Variants in PLEKHH2 observed in about 807,000 individuals in gnomAD.
PLEKHH2 encodes pleckstrin homology, MyTH4 and FERM domain containing H2, also known as pleckstrin homology domain-containing family H member 2.
Under a neutral mutation model 187.9 loss-of-function variants are expected in PLEKHH2, and 129 were observed. The ratio of observed to expected loss-of-function variants is 0.69; its 90% CI spans 0.59 to 0.79. The LOEUF (loss-of-function observed/expected upper bound fraction) is 0.79, where lower values mean the gene tolerates loss of function less well. Ranked by LOEUF, PLEKHH2 falls within the 30% of genes least tolerant of loss-of-function variation. PLEKHH2 has a pLI of 0.00. For synonymous variants in PLEKHH2, 686 were observed against 605.6 expected (o/e 1.13, Z -1.95); for missense variants, 2,076 against 1,751.2 (o/e 1.19, Z -3.31).
intron 2 of PLEKHH2, among the ~76,000 whole-genome samples, chr2:43,653,863 C>A (rs937603985): frequency 3.3e-5 from 5 of 152,164 alleles, no homozygotes; most frequent in African/African-American, 9.7e-5. Context: ...GTAAACAGTT[C>A]TTTTACATGG....
chr2:43,643,935 C>A (rs560119929), intron 1 of PLEKHH2, among the ~76,000 whole-genome samples: 1 of 152,210 alleles, frequency 6.6e-6, no homozygotes, highest in South Asian at 2.1e-4. Context: ...AATATCCTCC[C>A]AAAGGAAAGT....
intron 19 of PLEKHH2, among the ~76,000 whole-genome samples, chr2:43,737,469 A>G (rs1358666990): frequency 1.3e-5 from 2 of 152,226 alleles, no homozygotes; most frequent in African/African-American, 4.8e-5. Context: ...GCTATTTCAC[A>G]CAGTTTTGAA....
intron 24 of PLEKHH2, among the ~76,000 whole-genome samples, chr2:43,753,391 C>CAGCG (rs1288990548): frequency 6.6e-6 from 1 of 152,090 alleles, no homozygotes; most frequent in Non-Finnish European, 1.5e-5. Context: ...TAATGTGATT[C>CAGCG]AGCGCCACCT....
At chr2:43,754,046 T>A (rs1326495256) in intron 25 of PLEKHH2, among the ~76,000 whole-genome samples, 1 of 149,748 alleles carries the variant, frequency 6.7e-6, no homozygotes, top group African/African-American at 2.5e-5. Context: ...TGTAGAGCTG[T>A]GGGCTTGAAG....
chr2:43,637,593 A>T (rs1000910082), intron 1 of PLEKHH2, among the ~76,000 whole-genome samples: 2 of 152,138 alleles, frequency 1.3e-5, no homozygotes, highest in Non-Finnish European at 2.9e-5. Context: ...CCAAGTCTGG[A>T]TGTCGCCGGG....
At chr2:43,718,731 G>T (rs1287141369) in intron 15 of PLEKHH2, among the ~76,000 whole-genome samples, 1 of 152,016 alleles carries the variant, frequency 6.6e-6, no homozygotes, top group Non-Finnish European at 1.5e-5. Context: ...GTTTTTATGA[G>T]ACTTCTTTCT....
At chr2:43,685,422 C>CT (rs1169835122) in intron 3 of PLEKHH2, among the ~76,000 whole-genome samples, 5 of 151,850 alleles carry the variant, frequency 3.3e-5, no homozygotes, top group Non-Finnish European at 7.4e-5. Flanking sequence ...TCTAGTACAT[C>CT]TTTTTTTTGT....
At chr2:43,745,458 G>T (rs1193137674) in intron 23 of PLEKHH2, among the ~76,000 whole-genome samples, 1 of 152,168 alleles carries the variant, frequency 6.6e-6, no homozygotes, top group East Asian at 1.9e-4. Context: ...CCTGGGTCTA[G>T]ACTCTTTCCA....
chr2:43,675,188 C>A, intron 2 of PLEKHH2: 2 of 437,230 alleles, frequency 4.6e-6, no homozygotes, highest in Admixed American at 3.8e-5. Context: ...TGCAAAATAT[C>A]CAAAACATTA....
At chr2:43,704,618 G>A (rs894734006) in intron 9 of PLEKHH2, among the ~76,000 whole-genome samples, 10 of 131,912 alleles carry the variant, frequency 7.6e-5, no homozygotes, top group Admixed American at 5.2e-4. Context: ...AGCTGAGATT[G>A]TGCCACTGCA....
chr2:43,751,926 C>CTT (rs1191371733), intron 24 of PLEKHH2, among the ~76,000 whole-genome samples: 26 of 139,866 alleles, frequency 1.9e-4, no homozygotes, highest in Admixed American at 6.5e-4. Flanking sequence ...CTCTCTCTCT[C>CTT]TTTTTTTTTT....
At chr2:43,644,541 T>C (rs1666096744) in intron 1 of PLEKHH2, 130 bp from the exon 2 acceptor site, 15 of 640,496 alleles carry the variant, frequency 2.3e-5, no homozygotes, top group Non-Finnish European at 3.0e-5. Flanking sequence ...AATTTGTACA[T>C]GGATCTCACT....
intron 1 of PLEKHH2, among the ~76,000 whole-genome samples, chr2:43,640,865 G>A (rs1665875148): frequency 6.6e-6 from 1 of 151,616 alleles, no homozygotes; most frequent in South Asian, 2.1e-4. Context: ...GTTCACTGCA[G>A]CTTCGACCTC....
At position 43,753,605 on chromosome 2, in the gene PLEKHH2, C is replaced by CT. The variant is rs201067670; in HGVS notation, c.3654-5dup. On this transcript the variant is annotated splice_polypyrimidine_tract_variant and intron_variant, in intron 24 of 29. Coordinates refer to ENST00000282406, the MANE Select transcript of PLEKHH2 (RefSeq NM_172069.4). ...AATATAATTTAATGAGAAATTTACT[C>CT]TTTTTTTTTACAGACTATATTTCTC... is the stretch of plus-strand genomic sequence containing the variant. 12,091 of 1,312,128 alleles carry CT rather than the reference C, an allele frequency of 9.2e-3. 117 individuals carry two copies. Among genetic ancestry groups the CT allele is most frequent in the African/African-American group, 0.07 (4,562 of 65,406 alleles). 81.3% of individuals were successfully genotyped at this position (1,312,128 alleles called of 1,614,324 possible). A position where few individuals can be genotyped will look rare whatever the true frequency, so the allele number is the denominator to read the frequency against.
intron 9 of PLEKHH2, among the ~76,000 whole-genome samples, chr2:43,704,550 C>G (rs182551304): frequency 3.1e-4 from 47 of 150,420 alleles, no homozygotes; most frequent in Middle Eastern, 6.8e-3. Context: ...ATAGCCCCAG[C>G]TACTCGGGAG....
chr2:43,679,228 T>A (rs181867080), intron 3 of PLEKHH2, among the ~76,000 whole-genome samples: 318 of 152,300 alleles, frequency 2.1e-3, no homozygotes, highest in Non-Finnish European at 3.2e-3. Flanking sequence ...TCATAGTTGC[T>A]TTATTTGTAG....
rs1201433829 is a variant in PLEKHH2 at position 43,742,779 on chromosome 2, G to C, written c.3260G>C (p.Cys1087Ser). 3.1e-6 allele frequency: 5 copies of C among 1,602,372 alleles called. No homozygotes were observed. In the South Asian group the frequency reaches 5.7e-5, roughly 18 times the overall value. Reference sequence around the variant, plus strand: ...AAATATGCCATTTACTGCCAGCGTTGTGTAGAAAGAACGCAACAAAATGGT... The same window carrying C: ...AAATATGCCATTTACTGCCAGCGTTCTGTAGAAAGAACGCAACAAAATGGT... ...FGKYAIYCQR[C>S]VERTQQNGDR... Residue 1087 changes from cysteine to serine, a missense_variant, in exon 22 of 30, where the codon TGT (cysteine) becomes TCT (serine). Transcript: ENST00000282406.
intron 2 of PLEKHH2, among the ~76,000 whole-genome samples, chr2:43,660,358 T>C (rs1383773400): frequency 1.3e-5 from 2 of 152,120 alleles, no homozygotes; most frequent in Non-Finnish European, 2.9e-5. Context: ...TACAGGTGTT[T>C]GGATGTATAT....
intron 8 of PLEKHH2, 35 bp from the exon 9 acceptor site, chr2:43,703,946 T>TTA: frequency 4.8e-6 from 3 of 618,592 alleles, no homozygotes; most frequent in Non-Finnish European, 8.0e-6. Flanking sequence ...TTTTTTGCTT[T>TTA]AAATACCCTG....
Sources: gnomAD v4.1 joint callset for allele counts (sites outside exome capture counted in the v4.1 genomes callset) on GRCh38, gnomAD v4.1.1 for gene constraint, MANE v1.5 for transcripts, NCBI Gene and HGNC (gene_info 2026-07-23, HGNC 2026-07-21) for gene names.